The following NEIL1 variants were observed in gnomAD, a reference collection of about 807,000 sequenced individuals.
NEIL1 encodes nei like DNA glycosylase 1, also known as endonuclease 8-like 1.
Under a neutral mutation model 44.2 loss-of-function variants are expected in NEIL1, and 31 were observed. That is an observed-to-expected ratio of 0.70 (90% confidence interval 0.53 to 0.95). NEIL1 has a LOEUF of 0.95. NEIL1 is among the 40% of genes least tolerant of loss of function. NEIL1 has a pLI of 0.00. For missense variants in NEIL1, 549 were observed against 515.5 expected (o/e 1.07, Z -0.63); for synonymous variants, 254 against 209.7 (o/e 1.21, Z -1.83).
At position 75,355,858 on chromosome 15, in the gene NEIL1, T is replaced by C. The variant is rs2072274703; in HGVS notation, c.*824T>C. ...CTGCTTTAGGCTGGGGAAGCAGAAA[T>C]TAGGAGTCCCCAGAGCCTTCTACAA... On this transcript the variant is annotated 3_prime_UTR_variant, in exon 10 of 10. Coordinates refer to ENST00000355059, the MANE Select transcript of NEIL1 (RefSeq NM_024608.4). 1.2e-6 allele frequency: 2 copies of C among 1,605,806 alleles called. No individual in the cohort carries two copies. The highest frequency in any genetic ancestry group is 1.1e-5 in the South Asian group (1 of 90,506).
chr15:75,354,583 A>G lies in NEIL1; in HGVS notation c.937-70A>G, dbSNP rs1021616765. The G allele has an allele frequency of 1.9e-6, 3 of 1,611,020 alleles. No homozygotes were observed. The African/African-American group carries it at 4.0e-5, about 22-fold the overall frequency. ...TGCCTTACCCTAAGAGGGCGGGGGG[A>G]GTGGTGGGCCCTAACCAACCTCTGA... is the stretch of plus-strand genomic sequence containing the variant. On this transcript the variant is annotated intron_variant, in intron 8 of 9. Coordinates refer to ENST00000355059, the MANE Select transcript of NEIL1 (RefSeq NM_024608.4).
rs878974423 is a variant in NEIL1 at position 75,354,446 on chromosome 15, A to G, written c.890A>G (p.Lys297Arg). Residue 297 changes from lysine to arginine, a missense_variant, in exon 8 of 10, where the codon AAA becomes AGA. Lys to Arg is a conservative substitution (Grantham distance 26, BLOSUM62 2). Coordinates refer to ENST00000355059, the MANE Select transcript of NEIL1 (RefSeq NM_024608.4). The stretch of plus-strand genomic sequence containing the variant: ...TGTCCTGCAGGGCGCAAGTCCCGCA[A>G]AAAGAAATCCAAGGCCACACAGCTG... ...PLAPKGRKSRKKKSKATQLSP... is the reference protein window; with the variant it reads ...PLAPKGRKSRRKKSKATQLSP... The G allele has an allele frequency of 6.2e-7, 1 of 1,614,180 alleles. No homozygotes were observed. The highest frequency in any genetic ancestry group is 8.5e-7 in the Non-Finnish European group (1 of 1,180,012).
Position 75,347,831 on chromosome 15 carries a change from C to G in NEIL1, c.-23+358C>G, listed in dbSNP as rs904985332. Reference sequence around the variant, plus strand: ...CCGAGAGCGCCGCTCCTCCCCAAAACTAGGATTTGGAGCCTCACGTTCTCC... The same window carrying G: ...CCGAGAGCGCCGCTCCTCCCCAAAAGTAGGATTTGGAGCCTCACGTTCTCC... On this transcript the variant is annotated intron_variant, in intron 1 of 9. Transcript: ENST00000355059. 143 of 1,162,108 alleles carry G rather than the reference C, an allele frequency of 1.2e-4. No homozygotes were observed. Among genetic ancestry groups the G allele is most frequent in the Non-Finnish European group, 1.5e-5 (14 of 914,308 alleles). 72.0% of individuals were successfully genotyped at this position (1,162,108 alleles called of 1,614,324 possible).
In NEIL1 at chr15:75,356,257, A is replaced by G. The variant is rs1180118525; in HGVS notation, c.*1223A>G. The stretch of plus-strand genomic sequence containing the variant: ...ACGTCTGGTGGGAGGGGCCGAGGGC[A>G]GGCCCAGTTCGGAACCCCGTCCCCA... On this transcript the variant is annotated 3_prime_UTR_variant, in exon 10 of 10. Transcript: ENST00000355059. This position sits in a 1 kb window ranked among gnomAD's most constrained non-coding sequence, Gnocchi z 5.8. 4 of 1,612,146 alleles carry G rather than the reference A, an allele frequency of 2.5e-6. No homozygotes were observed. In the South Asian group the frequency reaches 3.3e-5, roughly 13 times the overall value.
chr15:75,355,827 T>C lies in NEIL1; in HGVS notation c.*793T>C. On this transcript the variant is annotated 3_prime_UTR_variant, in exon 10 of 10. Coordinates refer to ENST00000355059, the MANE Select transcript of NEIL1 (RefSeq NM_024608.4). ...AAGGATTTATTCCACAAGAAAAGACTGATCCCTGCTTTAGGCTGGGGAAGC... is the reference window on the plus strand; with the variant it reads ...AAGGATTTATTCCACAAGAAAAGACCGATCCCTGCTTTAGGCTGGGGAAGC... 6.9e-7 allele frequency: 1 copy of C among 1,454,538 alleles called. No individual in the cohort carries two copies. The allele number at this position is 1,454,538 out of a possible 1,614,324, so 90.1% of individuals were successfully genotyped here. A position where few individuals can be genotyped will look rare whatever the true frequency, so the allele number is the denominator to read the frequency against.
intron 1 of NEIL1, chr15:75,348,305 C>G: frequency 1.0e-6 from 1 of 985,538 alleles, no homozygotes; most frequent in East Asian, 1.1e-4. Context: ...CTCCCCCGCG[C>G]CAGGCCGAGC....
chr15:75,351,924 C>T (rs2141313849), intron 2 of NEIL1, 187 bp from the exon 3 acceptor site: 1 of 586,700 alleles, frequency 1.7e-6, no homozygotes, highest in South Asian at 1.9e-5. Context: ...ACCTGGCCGT[C>T]CTTTCACAAT....
chr15:75,351,234 G>C, intron 2 of NEIL1: 1 of 450,622 alleles, frequency 2.2e-6, no homozygotes, highest in Non-Finnish European at 4.4e-6. Flanking sequence ...TGAGGAGTCT[G>C]AGGTGATAAA....
chr15:75,354,946 T>C lies in NEIL1; in HGVS notation c.1103-18T>C. The C allele has an allele frequency of 6.2e-7, 1 of 1,613,886 alleles. No individual in the cohort carries two copies. The highest frequency in any genetic ancestry group is 8.5e-7 in the Non-Finnish European group (1 of 1,179,858). ...CCCCTGGAGTCTTAGCTGACCATCT[T>C]GCCTGTTCTTCCCCCAGGCCACTGC... On this transcript the variant is annotated intron_variant, in intron 9 of 9. Coordinates refer to ENST00000355059, the MANE Select transcript of NEIL1 (RefSeq NM_024608.4).
rs768187848 is a variant in NEIL1, at chr15:75,349,057, C to T, written c.152C>T (p.Ala51Val). The T allele has an allele frequency of 1.9e-5, 30 of 1,613,402 alleles. No individual in the cohort carries two copies. In the East Asian group the frequency reaches 6.0e-4, roughly 32 times the overall value. The change falls in exon 2 of 10, where the codon GCC becomes GTC. Residue 51 changes from alanine to valine, a missense_variant. Coordinates refer to ENST00000355059, the MANE Select transcript of NEIL1 (RefSeq NM_024608.4). ...AGTGCCTACCGCATCTCAGCTTCAG[C>T]CCGCGGCAAGGAGCTGCGCCTGATA... The part of the protein sequence containing the change: ...ESSAYRISAS[A>V]RGKELRLILS...
intron 6 of NEIL1, 80 bp downstream of exon 6, chr15:75,353,946 T>C (rs2072137742): frequency 6.4e-7 from 1 of 1,567,898 alleles, no homozygotes; most frequent in Non-Finnish European, 8.7e-7. Context: ...ACTGGGGTGG[T>C]GATGCTCAGG....
rs2072003054 is a variant in NEIL1, at chr15:75,352,589, G to A, written c.619-13G>A. The A allele has an allele frequency of 6.2e-7, 1 of 1,610,286 alleles. No individual in the cohort carries two copies. The highest frequency in any genetic ancestry group is 8.5e-7 in the Non-Finnish European group (1 of 1,178,080). ...CTGCTGACAGACAGGTCCTGCCCCT[G>A]CCCCTTCCTCAGAGCCCGGAGCTGA... On this transcript the variant is annotated splice_polypyrimidine_tract_variant and intron_variant, in intron 4 of 9. Transcript: ENST00000355059.
At position 75,349,189 on chromosome 15, in the gene NEIL1, G is replaced by A. The variant is rs753420865; in HGVS notation, c.284G>A (p.Arg95His). 6.8e-6 allele frequency: 11 copies of A among 1,608,904 alleles called. No individual in the cohort carries two copies. Among genetic ancestry groups the A allele is most frequent in the South Asian group, 2.2e-5 (2 of 91,068 alleles). Reference sequence around the variant, plus strand: ...CTGGTGCCCCGCGAGGAGCTGCCACGCCATGCCCACCTGCGCTTTTACACG... The same window carrying A: ...CTGGTGCCCCGCGAGGAGCTGCCACACCATGCCCACCTGCGCTTTTACACG... ...FQLVPREELP[R>H]HAHLRFYTAP... Residue 95 changes from arginine to histidine, a missense_variant, in exon 2 of 10, where the codon CGC becomes CAC. Coordinates refer to ENST00000355059, the MANE Select transcript of NEIL1 (RefSeq NM_024608.4).
In NEIL1 at chr15:75,349,311, T is replaced by C. The variant is rs5745907; in HGVS notation, c.406T>C (p.Cys136Arg). Reference sequence around the variant, plus strand: ...AAAGTGGCAGCCGGGCCGCGGGCCCTGTGTCTTGCAGGAGTACCAGCAGTT... The same window carrying C: ...AAAGTGGCAGCCGGGCCGCGGGCCCCGTGTCTTGCAGGAGTACCAGCAGTT... ...GGKWQPGRGPCVLQEYQQFRE... is the reference protein window; with the variant it reads ...GGKWQPGRGPRVLQEYQQFRE... The change falls in exon 2 of 10, where the codon TGT (cysteine) becomes CGT (arginine). Residue 136 changes from cysteine to arginine, a missense_variant. Coordinates refer to ENST00000355059, the MANE Select transcript of NEIL1 (RefSeq NM_024608.4). 8 of 1,609,438 alleles carry C rather than the reference T, an allele frequency of 5.0e-6. No homozygotes were observed. In the African/African-American group the frequency reaches 9.3e-5, roughly 19 times the overall value.
chr15:75,356,292 AC>A lies in NEIL1; in HGVS notation c.*1262del. 1.2e-6 allele frequency: 2 copies of A among 1,608,642 alleles called. No homozygotes were observed. The highest frequency in any genetic ancestry group is 1.7e-6 in the Non-Finnish European group (2 of 1,178,400). On this transcript the variant is annotated 3_prime_UTR_variant, in exon 10 of 10. Transcript: ENST00000355059. The surrounding 1 kb of genome is among the most constrained non-coding windows in gnomAD (Gnocchi z 5.8). ...CGGAACCCCGTCCCCAGCACGTCCCACCCCTTGCCTGCTTGACGGTCTCCAA... is the reference window on the plus strand; with the variant it reads ...CGGAACCCCGTCCCCAGCACGTCCCACCCTTGCCTGCTTGACGGTCTCCAA...
rs962393387 is a variant in NEIL1 at position 75,355,455 on chromosome 15, G to A, written c.*421G>A. 9 of 226,790 alleles carry A rather than the reference G, an allele frequency of 4.0e-5. No individual in the cohort carries two copies. In the South Asian group the frequency reaches 4.9e-4, roughly 12 times the overall value. The allele number at this position is 226,790 out of a possible 1,614,324, so 14.0% of individuals were successfully genotyped here. Reference sequence around the variant, plus strand: ...CTGGCCCCAGGCAGCCCAGGAGCCAGAGCTCCTCCAGTCCAGATTCTCCAG... The same window carrying A: ...CTGGCCCCAGGCAGCCCAGGAGCCAAAGCTCCTCCAGTCCAGATTCTCCAG... On this transcript the variant is annotated 3_prime_UTR_variant, in exon 10 of 10. Coordinates refer to ENST00000355059, the MANE Select transcript of NEIL1 (RefSeq NM_024608.4).
In NEIL1 at chr15:75,355,596, T is replaced by A; in HGVS notation, c.*562T>A. ...TGGCACAGGGGAGGGGCTTCTCAAC[T>A]CATGGTCTCTTCACTGGCTTTTGGT... is the stretch of plus-strand genomic sequence containing the variant. On this transcript the variant is annotated 3_prime_UTR_variant, in exon 10 of 10. Transcript: ENST00000355059. The A allele has an allele frequency of 3.1e-6, 1 of 324,290 alleles. No homozygotes were observed. Among genetic ancestry groups the A allele is most frequent in the Non-Finnish European group, 5.8e-6 (1 of 172,838 alleles). 20.1% of individuals were successfully genotyped at this position (324,290 alleles called of 1,614,324 possible).
intron 2 of NEIL1, chr15:75,351,239 G>A (rs911675317): frequency 6.7e-6 from 3 of 448,310 alleles, no homozygotes; most frequent in African/African-American, 2.0e-5. Context: ...AGTCTGAGGT[G>A]ATAAACACAC....
chr15:75,351,418 G>T (rs7182283), intron 2 of NEIL1: 178,995 of 375,086 alleles, frequency 0.48, 44,096 homozygotes, highest in Admixed American at 0.58. Context: ...TGGAACCACA[G>T]GAGTGCATCA....
Sources: allele counts gnomAD v4.1 joint callset, GRCh38; gene constraint gnomAD v4.1.1; non-coding constraint Gnocchi (gnomAD v3.1); transcripts MANE v1.5; gene names NCBI Gene and HGNC (gene_info 2026-07-23, HGNC 2026-07-21).